The following EIF3H variants were observed in gnomAD, a reference collection of about 807,000 sequenced individuals.
The protein encoded by EIF3H is eIF-3-gamma.
A neutral mutation model predicts 44.2 loss-of-function variants in EIF3H; 26 were observed. The observed-to-expected ratio is 0.59, with a 90% confidence interval of 0.43 to 0.82. EIF3H has a LOEUF of 0.82. Ranked by LOEUF, EIF3H falls within the 40% of genes least tolerant of loss-of-function variation. The probability of loss-of-function intolerance (pLI) is 0.00; values close to 1 mark genes in which losing one functional copy is unlikely to be tolerated. For synonymous variants in EIF3H, 166 were observed against 151.9 expected, an observed-to-expected ratio of 1.09 and a Z score of -0.68; for missense variants, 359 against 432.8, an observed-to-expected ratio of 0.83 and a Z score of 1.51.
In EIF3H at chr8:116,643,537, A is replaced by AGTTT. The variant is rs1813254672; in HGVS notation, c.*1465_*1468dup. ...TGAGTGGCTGCCACATACCAACCAG[A>AGTTT]GTTTGCATGCTTCACCCAAACCCCC... On this transcript the variant is annotated 3_prime_UTR_variant, in exon 8 of 8. Coordinates refer to ENST00000521861, the MANE Select transcript of EIF3H (RefSeq NM_003756.3). 1 of 152,184 alleles carries AGTTT rather than the reference A, an allele frequency of 6.6e-6. No individual in the cohort carries two copies. Among genetic ancestry groups the AGTTT allele is most frequent in the Non-Finnish European group, 1.5e-5 (1 of 68,036 alleles). The allele number at this position is 152,184 out of a possible 1,614,324, so 9.4% of individuals were successfully genotyped here.
At chr8:116,736,980 G>C (rs1286170574) in intron 1 of EIF3H, among the ~76,000 whole-genome samples, 1 of 152,160 alleles carries the variant, frequency 6.6e-6, no homozygotes, top group Non-Finnish European at 1.5e-5. Flanking sequence ...GCTGTTTACA[G>C]TATTTTGGAA....
chr8:116,658,730 TG>T, intron 3 of EIF3H, 82 bp downstream of exon 3: 1 of 1,423,570 alleles, frequency 7.0e-7, no homozygotes, highest in Non-Finnish European at 9.5e-7. Flanking sequence ...CCTGCCAGAC[TG>T]CTCTTAGAGG....
At chr8:116,645,296 A>G (rs1305507532) in intron 7 of EIF3H, among the ~76,000 whole-genome samples, 193 bp from the exon 8 acceptor site, 3 of 152,212 alleles carry the variant, frequency 2.0e-5, no homozygotes, top group African/African-American at 7.2e-5. Context: ...TCTCAATTAC[A>G]TGGAGAATAA....
chr8:116,673,248 T>C (rs1462005933), intron 2 of EIF3H, among the ~76,000 whole-genome samples: 6 of 152,112 alleles, frequency 3.9e-5, no homozygotes, highest in Admixed American at 1.3e-4. Context: ...CCTAGATATA[T>C]AAACAAAATA....
chr8:116,646,447 AG>A, intron 7 of EIF3H, 23 bp downstream of exon 7: 1 of 1,614,042 alleles, frequency 6.2e-7, no homozygotes, highest in Non-Finnish European at 8.5e-7. Context: ...AAAACCAGCC[AG>A]GTTTTGCACT....
intron 2 of EIF3H, among the ~76,000 whole-genome samples, chr8:116,698,605 GTC>G (rs913196051): frequency 5.3e-5 from 8 of 152,146 alleles, no homozygotes; most frequent in East Asian, 1.9e-4. Context: ...GATATCAATT[GTC>G]TCTGTTTTAC....
chr8:116,718,364 T>C (rs565824080), intron 2 of EIF3H, among the ~76,000 whole-genome samples: 3 of 152,310 alleles, frequency 2.0e-5, no homozygotes, highest in African/African-American at 7.2e-5. Flanking sequence ...ATTCCATTCC[T>C]GGGTATCTAC....
rs545865219 is a variant in EIF3H, at chr8:116,673,542, G to A, written c.290-14562C>T. ...TGTGATATTTTTGCTCAGAAATAAT[G>A]CTGTCAAGCTACCCAGGAAACTATA... On this transcript the variant is annotated intron_variant, in intron 2 of 7. Transcript: ENST00000521861. 1.2e-4 allele frequency among the ~76,000 whole-genome samples: 18 copies of A among 152,242 alleles called. No individual in the cohort carries two copies. The South Asian group carries it at 3.5e-3, about 30-fold the overall frequency.
intron 4 of EIF3H, 54 bp downstream of exon 4, chr8:116,657,161 A>C: frequency 1.4e-6 from 2 of 1,480,344 alleles, no homozygotes; most frequent in Non-Finnish European, 1.9e-6. Flanking sequence ...GTGGCAAAGA[A>C]AAATCTTAAC....
At chr8:116,710,415 A>G (rs1373939352) in intron 2 of EIF3H, among the ~76,000 whole-genome samples, 1 of 152,202 alleles carries the variant, frequency 6.6e-6, no homozygotes, top group African/African-American at 2.4e-5. Flanking sequence ...GTAGCAAAAT[A>G]GTAGAGGCTG....
At chr8:116,674,307 C>G (rs920574074) in intron 2 of EIF3H, among the ~76,000 whole-genome samples, 52 of 2,930 alleles carry the variant, frequency 0.018, no homozygotes, top group Non-Finnish European at 0.033. Flanking sequence ...AAAAAAGAGG[C>G]CTGGGGGTGG....
At chr8:116,752,053 T>C (rs1042832578) in intron 1 of EIF3H, among the ~76,000 whole-genome samples, 1 of 151,816 alleles carries the variant, frequency 6.6e-6, no homozygotes, top group African/African-American at 2.4e-5. Context: ...AGAAGAAACA[T>C]AAAAGGAAAG....
At chr8:116,748,170 C>A (rs552691853) in intron 1 of EIF3H, among the ~76,000 whole-genome samples, 1,543 of 148,576 alleles carry the variant, frequency 0.01, 26 homozygotes, top group African/African-American at 0.036. Context: ...AAAAAAAAAA[C>A]AAAAACAAAA....
At chr8:116,674,745 T>A (rs1290594307) in intron 2 of EIF3H, among the ~76,000 whole-genome samples, 1 of 152,142 alleles carries the variant, frequency 6.6e-6, no homozygotes, top group South Asian at 2.1e-4. Flanking sequence ...TACTATACTT[T>A]CTCTCCAAAT....
At position 116,645,925 on chromosome 8, in the gene EIF3H, C is replaced by T. The variant is rs539520871; in HGVS notation, c.961+546G>A. Among the ~76,000 whole-genome samples, 4 of 152,214 alleles carry T rather than the reference C, an allele frequency of 2.6e-5. No homozygotes were observed. The South Asian group carries it at 6.2e-4, about 24-fold the overall frequency. On this transcript the variant is annotated intron_variant, in intron 7 of 7. Transcript: ENST00000521861. ...TTTAACATTTCTATAAGATTATAGC[C>T]AAATAAGGGCATGAATGTCATATAT...
At chr8:116,647,741 G>A (rs1030104537) in intron 6 of EIF3H, among the ~76,000 whole-genome samples, 6 of 152,110 alleles carry the variant, frequency 3.9e-5, no homozygotes, top group South Asian at 2.1e-4. Context: ...GTGAAGGAAC[G>A]TAACTTGCTT....
intron 2 of EIF3H, among the ~76,000 whole-genome samples, chr8:116,667,384 A>C (rs1349675372): frequency 1.3e-5 from 2 of 152,052 alleles, no homozygotes; most frequent in African/African-American, 2.4e-5. Flanking sequence ...CTTTCCTATA[A>C]ATCTCAGTTT....
chr8:116,749,911 A>G (rs1359943830), intron 1 of EIF3H, among the ~76,000 whole-genome samples: 1 of 152,298 alleles, frequency 6.6e-6, no homozygotes, highest in Non-Finnish European at 1.5e-5. Flanking sequence ...TAAAGGTAGG[A>G]AAGGAAGGGT....
chr8:116,677,154 G>A (rs1477687704), intron 2 of EIF3H, among the ~76,000 whole-genome samples: 1 of 152,056 alleles, frequency 6.6e-6, no homozygotes, highest in African/African-American at 2.4e-5. Context: ...TATTTAGAAG[G>A]GGTGAACTGA....
Sources: allele counts gnomAD v4.1 joint callset (sites outside exome capture counted in the v4.1 genomes callset), GRCh38; gene constraint gnomAD v4.1.1; transcripts MANE v1.5; gene names NCBI Gene and HGNC (gene_info 2026-07-23, HGNC 2026-07-21).